SH3RF3: variants seen among roughly 807,000 people sequenced by gnomAD.
The protein encoded by SH3RF3 is SH3 domain containing ring finger 3, also known as E3 ubiquitin-protein ligase SH3RF3.
A neutral mutation model predicts 66.3 loss-of-function variants in SH3RF3; 29 were observed. The ratio of observed to expected loss-of-function variants is 0.44; its 90% CI spans 0.33 to 0.60. SH3RF3 has a LOEUF of 0.60. Ranked by LOEUF, SH3RF3 falls within the 20% of genes least tolerant of loss-of-function variation. The pLI, the probability that SH3RF3 is intolerant of heterozygous loss-of-function variation, is 0.04. For synonymous variants in SH3RF3, 583 were observed against 532.0 expected, an observed-to-expected ratio of 1.10 and a Z score of -1.32; for missense variants, 1,194 against 1,190.9, an observed-to-expected ratio of 1.00 and a Z score of -0.04.
intron 3 of SH3RF3, among the ~76,000 whole-genome samples, chr2:109,388,005 G>C (rs975780478): frequency 1.3e-5 from 2 of 152,070 alleles, no homozygotes; most frequent in Non-Finnish European, 2.9e-5. Flanking sequence ...TTCAGGAGTC[G>C]ACAGAAGCTT....
intron 4 of SH3RF3, among the ~76,000 whole-genome samples, chr2:109,400,401 T>G (rs1160692052): frequency 6.6e-6 from 1 of 151,910 alleles, no homozygotes; most frequent in Non-Finnish European, 1.5e-5. Context: ...TGCACGCACA[T>G]ATACACATAT....
intron 1 of SH3RF3, among the ~76,000 whole-genome samples, chr2:109,207,877 C>T (rs191129252): frequency 1.1e-3 from 161 of 152,222 alleles, no homozygotes; most frequent in African/African-American, 3.7e-3. Context: ...ACAAATTGGC[C>T]TATGGCAGTT....
chr2:109,258,368 A>G (rs879267482), intron 1 of SH3RF3, among the ~76,000 whole-genome samples: 1 of 152,122 alleles, frequency 6.6e-6, no homozygotes, highest in Non-Finnish European at 1.5e-5. Context: ...GAGGACCACA[A>G]ACCCTAGTGC....
chr2:109,137,040 G>A (rs1056343226), intron 1 of SH3RF3, among the ~76,000 whole-genome samples: 2 of 152,136 alleles, frequency 1.3e-5, no homozygotes, highest in African/African-American at 4.8e-5. Context: ...GGGGCTCCAG[G>A]GACAGCGATT....
At chr2:109,226,163 T>A (rs1400362257) in intron 1 of SH3RF3, among the ~76,000 whole-genome samples, 1 of 152,230 alleles carries the variant, frequency 6.6e-6, no homozygotes, top group Non-Finnish European at 1.5e-5. Context: ...AGTTATTATC[T>A]GTTTCCCAGG....
At chr2:109,473,043 A>G (rs1346191479) in intron 8 of SH3RF3, among the ~76,000 whole-genome samples, 1 of 152,260 alleles carries the variant, frequency 6.6e-6, no homozygotes, top group Non-Finnish European at 1.5e-5. Context: ...GCAAGGAGAC[A>G]GGGTCACATG....
rs1681684035 is a variant in SH3RF3, at chr2:109,309,793, A to G, written c.574-37881A>G. ...ATCAATTCAACAAGAAGAGCTAACT[A>G]TCCTAAATAGATATGCACCCAATAC... On this transcript the variant is annotated intron_variant, in intron 1 of 9. Coordinates refer to ENST00000309415, the MANE Select transcript of SH3RF3 (RefSeq NM_001099289.3). 4.1e-5 allele frequency among the ~76,000 whole-genome samples: 5 copies of G among 121,700 alleles called. No individual in the cohort carries two copies. The South Asian group carries it at 1.3e-3, about 31-fold the overall frequency. The allele number at this position is 121,700 out of a possible 152,430, so 79.8% of individuals were successfully genotyped here. A position where few individuals can be genotyped will look rare whatever the true frequency, so the allele number is the denominator to read the frequency against.
intron 2 of SH3RF3, among the ~76,000 whole-genome samples, chr2:109,369,020 A>G (rs1258614399): frequency 6.6e-6 from 1 of 151,652 alleles, no homozygotes; most frequent in Non-Finnish European, 1.5e-5. Context: ...CCAGGGCCCC[A>G]CTCTAGTGTC....
intron 1 of SH3RF3, among the ~76,000 whole-genome samples, chr2:109,177,900 G>A (rs1677964114): frequency 6.6e-6 from 1 of 152,230 alleles, no homozygotes; most frequent in South Asian, 2.1e-4. Context: ...CTCCTTTGAG[G>A]TAGGATTTCT....
chr2:109,388,721 C>A (rs557004551), intron 3 of SH3RF3, among the ~76,000 whole-genome samples: 4 of 152,346 alleles, frequency 2.6e-5, no homozygotes, highest in African/African-American at 9.6e-5. Context: ...GAGACCCCTG[C>A]AAGAGGATGA....
intron 1 of SH3RF3, among the ~76,000 whole-genome samples, chr2:109,262,869 G>C (rs1014317672): frequency 6.6e-6 from 1 of 151,820 alleles, no homozygotes; most frequent in African/African-American, 2.4e-5. Context: ...GTCTTCCTCT[G>C]TTGTCCAGGC....
At chr2:109,413,795 C>G (rs1676654670) in intron 4 of SH3RF3, among the ~76,000 whole-genome samples, 1 of 152,190 alleles carries the variant, frequency 6.6e-6, no homozygotes, top group East Asian at 1.9e-4. Flanking sequence ...GGACAGAAAC[C>G]AGGGGACTGT....
intron 1 of SH3RF3, among the ~76,000 whole-genome samples, chr2:109,308,601 T>A (rs1574564313): frequency 1.9e-5 from 1 of 53,792 alleles, no homozygotes; most frequent in Non-Finnish European, 2.9e-5. Flanking sequence ...GATTTTTGTA[T>A]AAGGTGTAAG....
chr2:109,168,839 A>G (rs1402827354), intron 1 of SH3RF3, among the ~76,000 whole-genome samples: 1 of 152,176 alleles, frequency 6.6e-6, no homozygotes, highest in Non-Finnish European at 1.5e-5. Context: ...TTAAGACCTC[A>G]GTGAGAGTTG....
At chr2:109,236,013 C>T (rs1679639732) in intron 1 of SH3RF3, among the ~76,000 whole-genome samples, 1 of 151,836 alleles carries the variant, frequency 6.6e-6, no homozygotes, top group Admixed American at 6.6e-5. Context: ...TTCACCTTGA[C>T]CTATTATAAT....
chr2:109,331,943 C>T (rs975853121), intron 1 of SH3RF3, among the ~76,000 whole-genome samples: 2 of 152,176 alleles, frequency 1.3e-5, no homozygotes, highest in Non-Finnish European at 2.9e-5. Context: ...AGCACCTGGC[C>T]GATCCTCCGA....
Position 109,138,079 on chromosome 2 carries a change from G to A in SH3RF3, c.573+7966G>A, listed in dbSNP as rs576980797. ...TACCCTAGCTGGAGTGCAGTGGCAC[G>A]ATCTCGACTCACTGCTACCTCCGCC... On this transcript the variant is annotated intron_variant, in intron 1 of 9. Coordinates refer to ENST00000309415, the MANE Select transcript of SH3RF3 (RefSeq NM_001099289.3). 1.2e-4 allele frequency among the ~76,000 whole-genome samples: 18 copies of A among 152,284 alleles called. No homozygotes were observed. The South Asian group carries it at 2.9e-3, about 25-fold the overall frequency.
chr2:109,498,330 C>A (rs982451872), intron 9 of SH3RF3, among the ~76,000 whole-genome samples: 2 of 152,186 alleles, frequency 1.3e-5, no homozygotes, highest in Non-Finnish European at 2.9e-5. Context: ...GAACACTGCA[C>A]CCCCAAGTCA....
chr2:109,429,246 G>A (rs1364215777), intron 5 of SH3RF3, among the ~76,000 whole-genome samples: 2 of 152,126 alleles, frequency 1.3e-5, no homozygotes, highest in East Asian at 1.9e-4. Flanking sequence ...CACCCAACAC[G>A]AGCCGCATGC....
Sources: gnomAD v4.1 joint callset for allele counts (sites outside exome capture counted in the v4.1 genomes callset) on GRCh38, gnomAD v4.1.1 for gene constraint, MANE v1.5 for transcripts, NCBI Gene and HGNC (gene_info 2026-07-23, HGNC 2026-07-21) for gene names.